CACNA2D3: variants seen among roughly 807,000 people sequenced by gnomAD.
The protein encoded by CACNA2D3 is voltage-dependent calcium channel subunit alpha-2/delta-3.
Under a neutral mutation model 160.6 loss-of-function variants are expected in CACNA2D3, and 60 were observed. The ratio of observed to expected loss-of-function variants is 0.37; its 90% CI spans 0.30 to 0.46. The LOEUF is 0.46. Ranked by LOEUF, CACNA2D3 falls within the 20% of genes least tolerant of loss-of-function variation. The pLI is 1.00. For synonymous variants in CACNA2D3, 558 were observed against 492.9 expected, an observed-to-expected ratio of 1.13 and a Z score of -1.75; for missense variants, 1,205 against 1,365.0, an observed-to-expected ratio of 0.88 and a Z score of 1.85.
intron 5 of CACNA2D3, among the ~76,000 whole-genome samples, chr3:54,534,951 T>G (rs1701864630): frequency 1.3e-5 from 2 of 152,058 alleles, no homozygotes; most frequent in Non-Finnish European, 2.9e-5. Context: ...ATAAGTAAAA[T>G]AAATGATTCC....
rs566738693 is a variant in CACNA2D3, at chr3:54,603,697, G to A, written c.963+21820G>A. 2.0e-5 allele frequency among the ~76,000 whole-genome samples: 3 copies of A among 152,278 alleles called. No homozygotes were observed. The South Asian group carries it at 6.2e-4, about 32-fold the overall frequency. ...CCACAGCAATGACGCTTTGTCTGTG[G>A]AATGATGTTTTCTCATGTTTAAAAA... On this transcript the variant is annotated intron_variant, in intron 9 of 37. Coordinates refer to ENST00000474759, the MANE Select transcript of CACNA2D3 (RefSeq NM_018398.3).
intron 10 of CACNA2D3, among the ~76,000 whole-genome samples, chr3:54,635,447 T>C (rs1033636568): frequency 6.6e-6 from 1 of 151,674 alleles, no homozygotes; most frequent in Non-Finnish European, 1.5e-5. Context: ...GTATGAGTAG[T>C]TGAGAATGGA....
chr3:54,227,713 C>T (rs2107387392), intron 2 of CACNA2D3, among the ~76,000 whole-genome samples: 2 of 152,260 alleles, frequency 1.3e-5, no homozygotes, highest in East Asian at 3.9e-4. Flanking sequence ...CACCACTACA[C>T]CTGGCTAATT....
chr3:54,968,209 CAT>C (rs1473973290), intron 27 of CACNA2D3, among the ~76,000 whole-genome samples: 1 of 152,006 alleles, frequency 6.6e-6, no homozygotes, highest in African/African-American at 2.4e-5. Context: ...GCCGAAGTAA[CAT>C]GTCTCCAAAG....
intron 17 of CACNA2D3, among the ~76,000 whole-genome samples, chr3:54,854,306 G>A (rs373586541): frequency 7.9e-4 from 121 of 152,322 alleles, no homozygotes; most frequent in Admixed American, 2.5e-3. Flanking sequence ...TCTTCCTGAC[G>A]GAATTGGTGA....
intron 9 of CACNA2D3, among the ~76,000 whole-genome samples, chr3:54,622,021 A>T (rs1476178694): frequency 6.6e-6 from 1 of 152,180 alleles, no homozygotes; most frequent in South Asian, 2.1e-4. Flanking sequence ...AAATGAAGGC[A>T]CAGATAAGGC....
At chr3:54,949,971 A>G (rs371955320) in intron 27 of CACNA2D3, among the ~76,000 whole-genome samples, 2 of 152,240 alleles carry the variant, frequency 1.3e-5, no homozygotes, top group South Asian at 2.1e-4. Context: ...TCAGGCATGC[A>G]GAGTCTCTAG....
At chr3:54,862,143 A>G (rs967399066) in intron 17 of CACNA2D3, among the ~76,000 whole-genome samples, 1 of 152,180 alleles carries the variant, frequency 6.6e-6, no homozygotes, top group Non-Finnish European at 1.5e-5. Flanking sequence ...GGTCACATAC[A>G]TATTTATACT....
At chr3:54,716,657 G>A (rs1357859728) in intron 11 of CACNA2D3, among the ~76,000 whole-genome samples, 1 of 152,156 alleles carries the variant, frequency 6.6e-6, no homozygotes, top group African/African-American at 2.4e-5. Flanking sequence ...GGTGGCCCCT[G>A]TCGAGACATG....
Position 54,752,621 on chromosome 3 carries a change from T to A in CACNA2D3, c.1190T>A (p.Ile397Asn). ...DRKVRIFTYL[I>N]GREAAFADNL... ...CAGGTTCGCATCTTCACATACCTCA[T>A]TGGACGAGAGGCTGCGTTTGCAGAC... is the stretch of plus-strand genomic sequence containing the variant. Residue 397 changes from isoleucine to asparagine, a missense_variant, in exon 12 of 38, where the codon ATT becomes AAT. Physicochemically the swap from Ile to Asn is moderately radical, Grantham distance 149. Transcript: ENST00000474759. 6.2e-7 allele frequency: 1 copy of A among 1,613,526 alleles called. No individual in the cohort carries two copies. The highest frequency in any genetic ancestry group is 8.5e-7 in the Non-Finnish European group (1 of 1,179,726).
intron 8 of CACNA2D3, among the ~76,000 whole-genome samples, chr3:54,577,383 C>T (rs1407453070): frequency 6.6e-6 from 1 of 152,120 alleles, no homozygotes; most frequent in African/African-American, 2.4e-5. Flanking sequence ...AGTGTGTGGC[C>T]AGACATCATG....
At chr3:55,033,687 A>G (rs1038933646) in intron 35 of CACNA2D3, among the ~76,000 whole-genome samples, 1 of 69,580 alleles carries the variant, frequency 1.4e-5, no homozygotes, top group African/African-American at 4.4e-5. Flanking sequence ...ATGTGTATAT[A>G]TACCCTTAAA....
chr3:54,663,003 T>A (rs921779766), intron 11 of CACNA2D3, among the ~76,000 whole-genome samples: 1 of 152,174 alleles, frequency 6.6e-6, no homozygotes, highest in Non-Finnish European at 1.5e-5. Context: ...CAATAGCATG[T>A]GGCAATATCT....
chr3:54,801,662 C>T (rs569446458), intron 13 of CACNA2D3, among the ~76,000 whole-genome samples: 67 of 151,958 alleles, frequency 4.4e-4, no homozygotes, highest in Admixed American at 7.2e-4. Context: ...CTTTTTTTGG[C>T]CTATCTTTTA....
At chr3:55,070,208 A>G (rs1052690725) in intron 35 of CACNA2D3, among the ~76,000 whole-genome samples, 1 of 152,204 alleles carries the variant, frequency 6.6e-6, no homozygotes, top group African/African-American at 2.4e-5. Context: ...GAAGAGGCAG[A>G]AGGAAAGTGG....
intron 4 of CACNA2D3, among the ~76,000 whole-genome samples, chr3:54,451,022 G>C (rs2106816681): frequency 6.6e-6 from 1 of 152,150 alleles, no homozygotes. Context: ...ATACCAAGTA[G>C]GTTCGCAACC....
intron 2 of CACNA2D3, among the ~76,000 whole-genome samples, chr3:54,288,171 G>A (rs1054716282): frequency 2.1e-4 from 32 of 152,044 alleles, no homozygotes; most frequent in Middle Eastern, 3.4e-3. Flanking sequence ...TTGATAGACC[G>A]CTAGCAAGAC....
At chr3:54,754,744 G>A (rs1190322438) in intron 12 of CACNA2D3, among the ~76,000 whole-genome samples, 2 of 152,210 alleles carry the variant, frequency 1.3e-5, no homozygotes, top group East Asian at 3.9e-4. Flanking sequence ...CTTCATAAAA[G>A]TTCCAGTGTT....
chr3:54,603,980 CA>C (rs1235168326), intron 9 of CACNA2D3, among the ~76,000 whole-genome samples: 1 of 152,126 alleles, frequency 6.6e-6, no homozygotes, highest in Non-Finnish European at 1.5e-5. Context: ...TAGATGGATA[CA>C]TAGCATTCCA....
Sources: allele counts gnomAD v4.1 joint callset (sites outside exome capture counted in the v4.1 genomes callset), GRCh38; gene constraint gnomAD v4.1.1; transcripts MANE v1.5; gene names NCBI Gene and HGNC (gene_info 2026-07-23, HGNC 2026-07-21).